PACRGL: variants seen among roughly 807,000 people sequenced by gnomAD.
PACRGL encodes the protein PACRG-like protein.
Under a neutral mutation model 34.5 loss-of-function variants are expected in PACRGL, and 38 were observed. The ratio of observed to expected loss-of-function variants is 1.10; its 90% CI spans 0.85 to 1.44. The LOEUF is 1.44. PACRGL is among the 40% of genes most tolerant of loss of function. The probability of loss-of-function intolerance (pLI) is 0.00; values close to 1 mark genes in which losing one functional copy is unlikely to be tolerated. For synonymous variants in PACRGL, 128 were observed against 100.1 expected, an observed-to-expected ratio of 1.28 and a Z score of -1.66; for missense variants, 305 against 281.4, an observed-to-expected ratio of 1.08 and a Z score of -0.60.
downstream of PACRGL, chr4:20,732,901 A>ATTCT (rs1368936860): frequency 1.6e-6 from 1 of 639,104 alleles, no homozygotes; most frequent in African/African-American, 1.9e-5. Flanking sequence ...TGTTTGTTGG[A>ATTCT]TTCTTTGTTA....
downstream of PACRGL, among the ~76,000 whole-genome samples, chr4:20,733,581 A>G (rs1748874958): frequency 6.6e-6 from 1 of 152,200 alleles, no homozygotes; most frequent in Non-Finnish European, 1.5e-5. Context: ...TTAAGCATAG[A>G]TAAGTAGCAA....
intron 8 of PACRGL, among the ~76,000 whole-genome samples, chr4:20,739,572 C>A (rs1312704485): frequency 1.3e-5 from 2 of 152,162 alleles, no homozygotes; most frequent in Non-Finnish European, 2.9e-5. Flanking sequence ...GACATCCACA[C>A]CAAAACCCCA....
chr4:20,752,451 G>T (rs1753827923), intron 8 of PACRGL: 1 of 152,252 alleles, frequency 6.6e-6, no homozygotes, highest in African/African-American at 2.4e-5. Context: ...GTAAATATTA[G>T]CTATTATTAT....
At chr4:20,702,955 A>G (rs1732850835) in intron 1 of PACRGL, among the ~76,000 whole-genome samples, 2 of 152,226 alleles carry the variant, frequency 1.3e-5, no homozygotes, top group Non-Finnish European at 2.9e-5. Context: ...TGCAGAAGCA[A>G]GCTTACATTT....
intron 3 of PACRGL, among the ~76,000 whole-genome samples, chr4:20,705,987 G>A (rs1734305835): frequency 6.7e-6 from 1 of 150,248 alleles, no homozygotes; most frequent in African/African-American, 2.5e-5. Context: ...TGTGATTTAT[G>A]CACATTAATA....
chr4:20,765,592 G>A, the PACRGL span, among the ~76,000 whole-genome samples: 1 of 152,170 alleles, frequency 6.6e-6, no homozygotes, highest in Non-Finnish European at 1.5e-5. Flanking sequence ...AGATAGTAAT[G>A]GGCTGAGGAA....
chr4:20,716,019 G>A (rs1043285028), intron 7 of PACRGL: 25 of 1,288,774 alleles, frequency 1.9e-5, no homozygotes, highest in Non-Finnish European at 2.4e-5. Flanking sequence ...TTTTCATTGC[G>A]ATGTTTTAGT....
rs201837967 is a variant in PACRGL at position 20,729,590 on chromosome 4, C to CTTGTTTTAATCTTGT, written c.*2255_*2256insTAATCTTGTTTGTTT. 0.11 allele frequency: 16,731 copies of CTTGTTTTAATCTTGT among 151,164 alleles called. 1,100 individuals are homozygous for CTTGTTTTAATCTTGT. Among genetic ancestry groups the CTTGTTTTAATCTTGT allele is most frequent in the South Asian group, 0.19 (907 of 4,770 alleles). 9.4% of individuals were successfully genotyped at this position (151,164 alleles called of 1,614,324 possible). ...TATGTGTTTTTTTAATTGTTGTAAT[C>CTTGTTTTAATCTTGT]TTGTTTCCTTAAAGTATATAAATGG... is the stretch of plus-strand genomic sequence containing the variant. On this transcript the variant is annotated 3_prime_UTR_variant, in exon 9 of 9. Coordinates refer to ENST00000503585, the MANE Select transcript of PACRGL (RefSeq NM_001258345.3).
intron 7 of PACRGL, among the ~76,000 whole-genome samples, chr4:20,713,900 G>T (rs1384882259): frequency 6.6e-6 from 1 of 152,162 alleles, no homozygotes; most frequent in Non-Finnish European, 1.5e-5. Context: ...CATTTGCTGA[G>T]GAGAGCTTTA....
At chr4:20,745,311 G>A (rs962997161) in intron 8 of PACRGL, among the ~76,000 whole-genome samples, 3 of 152,044 alleles carry the variant, frequency 2.0e-5, no homozygotes, top group African/African-American at 4.8e-5. Context: ...CTTGAATACT[G>A]TATATCCTGA....
chr4:20,713,603 A>G lies in PACRGL; in HGVS notation c.609+64A>G, dbSNP rs1020664844. 16 of 1,329,356 alleles carry G rather than the reference A, an allele frequency of 1.2e-5. No individual in the cohort carries two copies. In the African/African-American group the frequency reaches 2.0e-4, roughly 17 times the overall value. The allele number at this position is 1,329,356 out of a possible 1,614,324, so 82.3% of individuals were successfully genotyped here. A position where few individuals can be genotyped will look rare whatever the true frequency, so the allele number is the denominator to read the frequency against. ...TATCATGCACCATCCATATCTCTTC[A>G]TGATTTAACAATTTCAAATCTTCAA... On this transcript the variant is annotated intron_variant, in intron 7 of 8. Coordinates refer to ENST00000503585, the MANE Select transcript of PACRGL (RefSeq NM_001258345.3).
At chr4:20,752,216 G>A (rs914446862) in intron 8 of PACRGL, among the ~76,000 whole-genome samples, 1 of 151,896 alleles carries the variant, frequency 6.6e-6, no homozygotes, top group Non-Finnish European at 1.5e-5. Flanking sequence ...CTGCCACCAT[G>A]CCCGGCGAAT....
rs188758199 is a variant in PACRGL at position 20,745,215 on chromosome 4, T to A, written c.*57-7350T>A. Among the ~76,000 whole-genome samples the A allele has an allele frequency of 6.2e-3, 640 of 102,858 alleles. 7 individuals carry two copies. The highest frequency in any genetic ancestry group is 0.016 in the Admixed American group (179 of 11,114). The allele number at this position is 102,858 out of a possible 152,430, so 67.5% of individuals were successfully genotyped here. Reference sequence around the variant, plus strand: ...TTGCTGTGAACCAATGAAATTACCATTTTTTTTTGTCACTTGGTGTATCCT... The same window carrying A: ...TTGCTGTGAACCAATGAAATTACCAATTTTTTTTGTCACTTGGTGTATCCT... On this transcript the variant is annotated intron_variant, in intron 8 of 8. Coordinates refer to the PACRGL transcript ENST00000507634.
At chr4:20,717,568 C>T (rs1740740410) in intron 7 of PACRGL, among the ~76,000 whole-genome samples, 1 of 152,154 alleles carries the variant, frequency 6.6e-6, no homozygotes, top group Non-Finnish European at 1.5e-5. Flanking sequence ...CCAGTTTTCC[C>T]AGCACCATTT....
At chr4:20,732,669 T>TTTAA (rs776185000), downstream of PACRGL, 5 of 1,578,034 alleles carry the variant, frequency 3.2e-6, no homozygotes, top group African/African-American at 4.0e-5. Context: ...TGACTTCTGT[T>TTTAA]TTAATTCCTA....
intron 6 of PACRGL, 124 bp downstream of exon 6, chr4:20,713,046 G>A: frequency 9.7e-7 from 1 of 1,035,688 alleles, no homozygotes; most frequent in Non-Finnish European, 1.3e-6. Flanking sequence ...CTTTATCTGT[G>A]ATTCTGACAC....
the PACRGL span, among the ~76,000 whole-genome samples, chr4:20,758,009 C>T: frequency 6.6e-6 from 1 of 152,140 alleles, no homozygotes; most frequent in Non-Finnish European, 1.5e-5. Context: ...TGTCCATCTG[C>T]TACACTAGGT....
chr4:20,759,351 A>C, the PACRGL span, among the ~76,000 whole-genome samples: 1 of 152,198 alleles, frequency 6.6e-6, no homozygotes, highest in Non-Finnish European at 1.5e-5. Flanking sequence ...AGCTTCAACC[A>C]GTAATAGATA....
Position 20,700,591 on chromosome 4 carries a change from C to A in PACRGL, c.-213C>A, listed in dbSNP as rs1283718486. On this transcript the variant is annotated 5_prime_UTR_variant, in exon 1 of 9. Coordinates refer to ENST00000503585, the MANE Select transcript of PACRGL (RefSeq NM_001258345.3). ...GGAGAGAGGCGCGGTAGGAACGGGT[C>A]CCCGGAGCCGTGAACCGCGGGTACA... The A allele has an allele frequency of 6.6e-6, 1 of 152,058 alleles. No individual in the cohort carries two copies. Among genetic ancestry groups the A allele is most frequent in the African/African-American group, 2.4e-5 (1 of 41,400 alleles). 9.4% of individuals were successfully genotyped at this position (152,058 alleles called of 1,614,324 possible). A position where few individuals can be genotyped will look rare whatever the true frequency, so the allele number is the denominator to read the frequency against.
Sources: allele counts gnomAD v4.1 joint callset (sites outside exome capture counted in the v4.1 genomes callset), GRCh38; gene constraint gnomAD v4.1.1; transcripts MANE v1.5; gene names NCBI Gene and HGNC (gene_info 2026-07-23, HGNC 2026-07-21).